The following OR3A2 variants were observed in gnomAD, a reference collection of about 807,000 sequenced individuals.
OR3A2 encodes olfactory receptor family 3 subfamily A member 2, also known as olfactory receptor 3A2.
For missense variants in OR3A2, 318 were observed against 392.8 expected, an observed-to-expected ratio of 0.81 and a Z score of 1.61; for synonymous variants, 126 against 159.3, an observed-to-expected ratio of 0.79 and a Z score of 1.57.
At chr17:3,297,284 A>G (rs931878640) in intron 3 of OR3A2, among the ~76,000 whole-genome samples, 6 of 152,224 alleles carry the variant, frequency 3.9e-5, no homozygotes, top group African/African-American at 1.2e-4. Flanking sequence ...GTGAATTGAC[A>G]TATCTATAGG....
At chr17:3,353,074 G>A (rs1217500101) in intron 2 of OR3A2, among the ~76,000 whole-genome samples, 1 of 148,246 alleles carries the variant, frequency 6.7e-6, no homozygotes, top group African/African-American at 2.5e-5. Context: ...CTTTTTTTAT[G>A]TTGATGCTGT....
chr17:3,346,874 T>C (rs958767973), intron 2 of OR3A2, among the ~76,000 whole-genome samples: 4 of 152,198 alleles, frequency 2.6e-5, no homozygotes, highest in African/African-American at 9.6e-5. Context: ...CTGACTCTCA[T>C]TTTTTATGGC....
At chr17:3,382,416 A>T (rs2049744949) in intron 2 of OR3A2, among the ~76,000 whole-genome samples, 1 of 152,174 alleles carries the variant, frequency 6.6e-6, no homozygotes, top group South Asian at 2.1e-4. Context: ...AACCCACTGA[A>T]GTCTCTGGGC....
intron 2 of OR3A2, among the ~76,000 whole-genome samples, chr17:3,358,833 T>C (rs230469): frequency 0.37 from 55,834 of 151,392 alleles, 11,272 homozygotes; most frequent in South Asian, 0.5. Flanking sequence ...CTAAATATCA[T>C]TGTTAATTTT....
chr17:3,295,143 A>G (rs748678193), intron 3 of OR3A2, among the ~76,000 whole-genome samples: 1 of 152,146 alleles, frequency 6.6e-6, no homozygotes, highest in Non-Finnish European at 1.5e-5. Flanking sequence ...CTCAAAAGGT[A>G]AAATGTTTAT....
chr17:3,343,538 G>A (rs2049338472), intron 2 of OR3A2, among the ~76,000 whole-genome samples: 2 of 152,148 alleles, frequency 1.3e-5, no homozygotes, highest in Admixed American at 1.3e-4. Context: ...TTACTGCCAT[G>A]CATCCATTTT....
At position 3,313,865 on chromosome 17, in the gene OR3A2, G is replaced by T. The variant is rs142574086; in HGVS notation, c.-85+22168C>A. ...TGCTGAGTAGATAGCTGATGTTCAA[G>T]CCATCTTGTGGGTTATTTGATAGCA... On this transcript the variant is annotated intron_variant, in intron 3 of 4. Transcript: ENST00000573491. Among the ~76,000 whole-genome samples, 53 of 152,306 alleles carry T rather than the reference G, an allele frequency of 3.5e-4. 1 individual carries two copies. In the East Asian group the frequency reaches 5.0e-3, roughly 14 times the overall value.
At position 3,380,189 on chromosome 17, in the gene OR3A2, G is replaced by C. The variant is rs142125645; in HGVS notation, c.-179+3615C>G. 3.8e-3 allele frequency among the ~76,000 whole-genome samples: 580 copies of C among 152,298 alleles called. 5 individuals carry two copies. Among genetic ancestry groups the C allele is most frequent in the African/African-American group, 0.013 (553 of 41,558 alleles). Reference sequence around the variant, plus strand: ...GGGTGAGCTGTGGAGGGCAGAGCTCGTTAATGCTTGCAGACTTGCTGGGAG... The same window carrying C: ...GGGTGAGCTGTGGAGGGCAGAGCTCCTTAATGCTTGCAGACTTGCTGGGAG... On this transcript the variant is annotated intron_variant, in intron 2 of 4. Transcript: ENST00000573491.
chr17:3,366,069 C>G lies in OR3A2; in HGVS notation c.-179+17735G>C, dbSNP rs571794866. ...CACTCAAGAGTCAAAATACCAGGGA[C>G]TAGTTAGCGGAAAACGTCTGATGGA... On this transcript the variant is annotated intron_variant, in intron 2 of 4. Transcript: ENST00000573491. Among the ~76,000 whole-genome samples the G allele has an allele frequency of 2.0e-3, 301 of 152,278 alleles. 1 individual carries two copies. The highest frequency in any genetic ancestry group is 2.9e-3 in the Admixed American group (45 of 15,292).
chr17:3,337,257 A>ATAGTGC (rs1225018844), intron 2 of OR3A2, among the ~76,000 whole-genome samples: 2 of 152,196 alleles, frequency 1.3e-5, no homozygotes, highest in African/African-American at 4.8e-5. Context: ...CGTTCTCCAG[A>ATAGTGC]ACTTCTTCAT....
intron 3 of OR3A2, among the ~76,000 whole-genome samples, chr17:3,313,309 G>C (rs1413163587): frequency 6.6e-6 from 1 of 152,146 alleles, no homozygotes; most frequent in Non-Finnish European, 1.5e-5. Context: ...AGCACACAGA[G>C]GTATCCACAG....
chr17:3,340,263 C>T (rs565537991), intron 2 of OR3A2, among the ~76,000 whole-genome samples: 46 of 152,102 alleles, frequency 3.0e-4, no homozygotes, highest in Middle Eastern at 3.4e-3. Flanking sequence ...GTGTCTCTAT[C>T]TCCTTCAGTT....
chr17:3,340,253 G>A (rs2049306193), intron 2 of OR3A2, among the ~76,000 whole-genome samples: 1 of 151,980 alleles, frequency 6.6e-6, no homozygotes, highest in Admixed American at 6.5e-5. Flanking sequence ...AGGGTTTTTT[G>A]TGTCTCTATC....
At chr17:3,371,640 A>T (rs1272146241) in intron 2 of OR3A2, among the ~76,000 whole-genome samples, 1 of 86,236 alleles carries the variant, frequency 1.2e-5, no homozygotes, top group East Asian at 3.9e-4. Context: ...CCAGTAGGGG[A>T]GGCCGGGCAG....
chr17:3,301,787 T>C (rs1279853403), intron 3 of OR3A2, among the ~76,000 whole-genome samples: 1 of 152,192 alleles, frequency 6.6e-6, no homozygotes, highest in Non-Finnish European at 1.5e-5. Flanking sequence ...CTGAATGGTA[T>C]TGTCTAGGTT....
At chr17:3,337,777 G>T (rs1272371105) in intron 2 of OR3A2, among the ~76,000 whole-genome samples, 1 of 152,064 alleles carries the variant, frequency 6.6e-6, no homozygotes, top group African/African-American at 2.4e-5. Flanking sequence ...TATAGTCCTT[G>T]GGGTATATAC....
intron 2 of OR3A2, among the ~76,000 whole-genome samples, chr17:3,343,515 G>T (rs192970470): frequency 1.3e-4 from 20 of 152,310 alleles, no homozygotes; most frequent in African/African-American, 4.6e-4. Context: ...AATGTGCTGC[G>T]TCTTGCTTTC....
At chr17:3,281,605 G>A (rs9911703) in intron 1 of OR3A2, among the ~76,000 whole-genome samples, 26,565 of 151,824 alleles carry the variant, frequency 0.17, 2,815 homozygotes, top group African/African-American at 0.28. Flanking sequence ...TACTTCCAAC[G>A]ACTAGCTCTT....
rs7213950 is a variant in OR3A2, at chr17:3,346,295, T to A, written c.-178-10169A>T. 3.7e-3 allele frequency among the ~76,000 whole-genome samples: 562 copies of A among 152,272 alleles called. 3 individuals are homozygous for A. The highest frequency in any genetic ancestry group is 0.012 in the African/African-American group (479 of 41,546). ...GTAGGTGTACATATTTATAAGTACATGAGATATTTTGATATAGGCAGGCAA... is the reference window on the plus strand; with the variant it reads ...GTAGGTGTACATATTTATAAGTACAAGAGATATTTTGATATAGGCAGGCAA... On this transcript the variant is annotated intron_variant, in intron 2 of 4. Coordinates refer to the OR3A2 transcript ENST00000573491.
Sources: allele counts gnomAD v4.1 joint callset (sites outside exome capture counted in the v4.1 genomes callset), GRCh38; gene constraint gnomAD v4.1.1; transcripts MANE v1.5; gene names NCBI Gene and HGNC (gene_info 2026-07-23, HGNC 2026-07-21).